The following HSF2BP variants were observed in gnomAD, a reference collection of about 807,000 sequenced individuals.
HSF2BP encodes the protein heat shock transcription factor 2 binding protein, also known as heat shock factor 2-binding protein.
A neutral mutation model predicts 35.0 loss-of-function variants in HSF2BP; 35 were observed. The observed-to-expected ratio is 1.00, with a 90% CI of 0.76 to 1.32. The LOEUF (loss-of-function observed/expected upper bound fraction) is 1.32, where lower values mean the gene tolerates loss of function less well. Ranked by LOEUF, HSF2BP falls within the 40% of genes most tolerant of loss-of-function variation. The pLI is 0.00. For synonymous variants in HSF2BP, 114 were observed against 117.4 expected (o/e 0.97, Z 0.18); for missense variants, 326 against 321.7 (o/e 1.01, Z -0.10).
At chr21:43,635,905 G>C (rs1177325388) in intron 4 of HSF2BP, among the ~76,000 whole-genome samples, 2 of 148,280 alleles carry the variant, frequency 1.3e-5, no homozygotes, top group Admixed American at 6.8e-5. Flanking sequence ...CTCCAGCCTG[G>C]GTGACAGAGC....
chr21:43,633,377 T>C lies in HSF2BP; in HGVS notation c.336A>G (p.Gln112=), dbSNP rs942197804. The C allele has an allele frequency of 1.4e-5, 22 of 1,613,514 alleles. No homozygotes were observed. In the East Asian group the frequency reaches 4.9e-4, roughly 36 times the overall value. Reference sequence around the variant, plus strand: ...TACAATACTCTGCCTGCTGCAGGAGTTGCTGCTTCGCTTCATTCAACTGCT... The same window carrying C: ...TACAATACTCTGCCTGCTGCAGGAGCTGCTGCTTCGCTTCATTCAACTGCT... ...LRQQLNEAKQ[Q]LLQQAEYCTE... Residue 112 remains glutamine, a synonymous_variant, in exon 5 of 9, where the codon CAA becomes CAG. Transcript: ENST00000291560.
intron 8 of HSF2BP, among the ~76,000 whole-genome samples, chr21:43,590,035 C>T (rs1232733543): frequency 6.6e-6 from 1 of 152,114 alleles, no homozygotes; most frequent in Non-Finnish European, 1.5e-5. Flanking sequence ...AACTTTATCA[C>T]AATTAAGATA....
chr21:43,615,212 A>AAG (rs2082256062), intron 6 of HSF2BP, among the ~76,000 whole-genome samples: 1 of 152,242 alleles, frequency 6.6e-6, no homozygotes, highest in South Asian at 2.1e-4. Flanking sequence ...CAAGGTGGAA[A>AAG]AGAGATGGGG....
chr21:43,633,858 G>GT (rs1464245202), intron 4 of HSF2BP, among the ~76,000 whole-genome samples: 4 of 152,204 alleles, frequency 2.6e-5, no homozygotes, highest in Non-Finnish European at 5.9e-5. Flanking sequence ...AACGCCATCT[G>GT]CCAGAGGCAG....
intron 7 of HSF2BP, among the ~76,000 whole-genome samples, chr21:43,603,383 C>T (rs566811729): frequency 1.3e-5 from 2 of 152,134 alleles, no homozygotes; most frequent in African/African-American, 2.4e-5. Context: ...GAGGTGGTGA[C>T]GAAGGGGGAC....
At chr21:43,622,844 T>C (rs1220630401) in intron 6 of HSF2BP, among the ~76,000 whole-genome samples, 1 of 152,158 alleles carries the variant, frequency 6.6e-6, no homozygotes, top group East Asian at 1.9e-4. Context: ...TTACAGAACA[T>C]TTCACCCAAC....
At chr21:43,635,998 C>T (rs898499259) in intron 4 of HSF2BP, among the ~76,000 whole-genome samples, 1 of 142,980 alleles carries the variant, frequency 7.0e-6, no homozygotes, top group African/African-American at 2.6e-5. Context: ...GAGGCTGAGA[C>T]GGGAGGATCG....
intron 3 of HSF2BP, among the ~76,000 whole-genome samples, chr21:43,645,781 G>C (rs1022129007): frequency 2.0e-5 from 3 of 152,114 alleles, no homozygotes; most frequent in Non-Finnish European, 4.4e-5. Flanking sequence ...AGCGGGTAGG[G>C]CTTTCGAATC....
At chr21:43,587,662 T>G (rs2081870391) in intron 8 of HSF2BP, among the ~76,000 whole-genome samples, 1 of 85,752 alleles carries the variant, frequency 1.2e-5, no homozygotes, top group South Asian at 4.4e-4. Context: ...CGAAATTCTG[T>G]CTCAAAAAAA....
At chr21:43,595,216 C>T (rs569910652) in intron 7 of HSF2BP, among the ~76,000 whole-genome samples, 2 of 151,896 alleles carry the variant, frequency 1.3e-5, no homozygotes, top group African/African-American at 4.8e-5. Context: ...GAAGCAAGAT[C>T]GCACCACTGC....
intron 8 of HSF2BP, among the ~76,000 whole-genome samples, chr21:43,582,440 A>AGG: frequency 9.0e-6 from 1 of 111,116 alleles, no homozygotes; most frequent in Non-Finnish European, 1.8e-5. Flanking sequence ...GGAGATGAGT[A>AGG]CCTGTTGAGG....
intron 8 of HSF2BP, among the ~76,000 whole-genome samples, chr21:43,567,643 C>CAA (rs10585329): frequency 1.4e-4 from 1 of 7,036 alleles, no homozygotes; most frequent in African/African-American, 1.1e-3. Flanking sequence ...CCAAACTTCT[C>CAA]AAAAAAAAAA....
In HSF2BP at chr21:43,630,497, C is replaced by A. The variant is rs748388677; in HGVS notation, c.442-43G>T. 2.1e-5 allele frequency: 33 copies of A among 1,576,240 alleles called. No homozygotes were observed. The Middle Eastern group carries it at 1.0e-3, about 48-fold the overall frequency. ...AGAGTGTCATATCTTTTTACAGACACTAGTGTGAAAACATTTTAAAAGTGC... is the reference window on the plus strand; with the variant it reads ...AGAGTGTCATATCTTTTTACAGACAATAGTGTGAAAACATTTTAAAAGTGC... On this transcript the variant is annotated intron_variant, in intron 5 of 8. Coordinates refer to ENST00000291560, the MANE Select transcript of HSF2BP (RefSeq NM_007031.2).
chr21:43,592,019 T>C (rs1198026370), intron 8 of HSF2BP, among the ~76,000 whole-genome samples: 5 of 152,208 alleles, frequency 3.3e-5, no homozygotes, highest in Non-Finnish European at 7.3e-5. Context: ...ATTTTATTAT[T>C]AGTTGTTGAT....
intron 3 of HSF2BP, among the ~76,000 whole-genome samples, chr21:43,646,731 G>A (rs190654708): frequency 4.6e-5 from 7 of 152,268 alleles, no homozygotes; most frequent in Admixed American, 3.3e-4. Context: ...CCCACTCTAC[G>A]ATAGGCAATC....
In HSF2BP at chr21:43,658,164, C is replaced by A. The variant is rs1175357755; in HGVS notation, c.-68G>T. ...CCCTCTGACCCCTCACGCCAGAAAG[C>A]GCGGGAACGAATCCACGCCGGGGGT... On this transcript the variant is annotated 5_prime_UTR_variant, in exon 2 of 9. Transcript: ENST00000291560. 33 of 1,446,704 alleles carry A rather than the reference C, an allele frequency of 2.3e-5. No individual in the cohort carries two copies. Among genetic ancestry groups the A allele is most frequent in the African/African-American group, 2.9e-5 (2 of 68,788 alleles). The allele number at this position is 1,446,704 out of a possible 1,614,324, so 89.6% of individuals were successfully genotyped here.
intron 3 of HSF2BP, among the ~76,000 whole-genome samples, chr21:43,651,280 T>C (rs892429568): frequency 6.6e-6 from 1 of 152,230 alleles, no homozygotes; most frequent in Non-Finnish European, 1.5e-5. Flanking sequence ...TAAGCATTAC[T>C]GTCCACATTT....
chr21:43,588,144 GA>G (rs1225602227), intron 8 of HSF2BP, among the ~76,000 whole-genome samples: 1 of 152,194 alleles, frequency 6.6e-6, no homozygotes, highest in African/African-American at 2.4e-5. Flanking sequence ...CCGAGAGGCC[GA>G]GGCGGGTGGA....
chr21:43,598,151 C>A (rs1037432087), intron 7 of HSF2BP, among the ~76,000 whole-genome samples: 46 of 152,182 alleles, frequency 3.0e-4, no homozygotes, highest in African/African-American at 1.1e-3. Flanking sequence ...TAAGGTCTTC[C>A]TTCTCACCCA....
Sources: gnomAD v4.1 joint callset for allele counts (sites outside exome capture counted in the v4.1 genomes callset) on GRCh38, gnomAD v4.1.1 for gene constraint, MANE v1.5 for transcripts, NCBI Gene and HGNC (gene_info 2026-07-23, HGNC 2026-07-21) for gene names.